The following CFAP44 variants were observed in gnomAD, a reference collection of about 807,000 sequenced individuals.
The protein encoded by CFAP44 is cilia and flagella associated protein 44.
In CFAP44, 134 loss-of-function variants were observed where a neutral mutation model predicts 216.2. The ratio of observed to expected loss-of-function variants is 0.62; its 90% CI spans 0.54 to 0.72. CFAP44 has a LOEUF of 0.72. CFAP44 is among the 30% of genes least tolerant of loss of function. CFAP44 has a pLI of 0.00. For missense variants in CFAP44, 2,035 were observed against 2,182.1 expected (o/e 0.93, Z 1.34); for synonymous variants, 700 against 727.6 (o/e 0.96, Z 0.61).
chr3:113,313,940 C>T (rs1387259279), intron 28 of CFAP44, among the ~76,000 whole-genome samples: 1 of 151,916 alleles, frequency 6.6e-6, no homozygotes, highest in Non-Finnish European at 1.5e-5. Flanking sequence ...AACTCAACAG[C>T]AGAATAGAAA....
chr3:113,354,287 A>C (rs1559920986), intron 22 of CFAP44, among the ~76,000 whole-genome samples: 1 of 152,194 alleles, frequency 6.6e-6, no homozygotes. Context: ...GAAAGCTGAG[A>C]GAATCCACAG....
intron 30 of CFAP44, among the ~76,000 whole-genome samples, chr3:113,305,668 GAAGTT>G (rs1290122044): frequency 2.0e-5 from 3 of 152,208 alleles, no homozygotes; most frequent in African/African-American, 7.2e-5. Flanking sequence ...GAACATGAAT[GAAGTT>G]AAGTGATGTT....
At chr3:113,410,718 A>G (rs571749669) in intron 6 of CFAP44, among the ~76,000 whole-genome samples, 5 of 152,184 alleles carry the variant, frequency 3.3e-5, no homozygotes, top group African/African-American at 7.2e-5. Flanking sequence ...TTGAGGAATC[A>G]CCACACTGTC....
chr3:113,439,705 T>C (rs1260652595), intron 1 of CFAP44, among the ~76,000 whole-genome samples: 1 of 152,232 alleles, frequency 6.6e-6, no homozygotes, highest in Non-Finnish European at 1.5e-5. Context: ...AAAATAATAG[T>C]ACACATTGAT....
At chr3:113,440,602 C>G (rs1935338556) in intron 1 of CFAP44, among the ~76,000 whole-genome samples, 1 of 152,116 alleles carries the variant, frequency 6.6e-6, no homozygotes, top group Non-Finnish European at 1.5e-5. Context: ...TCACCTCTAC[C>G]ATTACTGTAC....
At position 113,327,627 on chromosome 3, in the gene CFAP44, G is replaced by A. The variant is rs1162672900; in HGVS notation, c.4309C>T (p.Gln1437Ter). 3 of 1,536,620 alleles carry A rather than the reference G, an allele frequency of 2.0e-6. No homozygotes were observed. Among genetic ancestry groups the A allele is most frequent in the African/African-American group, 1.4e-5 (1 of 73,020 alleles). ...CTGCCCACTCATACTTGCATGTACT[G>A]TTCCTCTTTGTCTAAGGAATTAACA... ...ERVNSLDKEE[Q>*]YMQWKINETL... The change falls in exon 27 of 35, where the codon CAG (glutamine) becomes TAG (stop). Residue 1437 changes from glutamine (Q) to a stop codon, truncating the protein, a stop_gained. Coordinates refer to ENST00000393845, the MANE Select transcript of CFAP44 (RefSeq NM_001164496.2). LOFTEE classifies it high-confidence loss of function.
chr3:113,306,125 C>G, intron 30 of CFAP44, 76 bp downstream of exon 30: 6 of 1,445,984 alleles, frequency 4.1e-6, no homozygotes, highest in Non-Finnish European at 5.5e-6. Flanking sequence ...ATTGTCATTG[C>G]TATAAAAAGG....
At chr3:113,325,020 G>C (rs940974824) in intron 28 of CFAP44, among the ~76,000 whole-genome samples, 1 of 151,986 alleles carries the variant, frequency 6.6e-6, no homozygotes, top group African/African-American at 2.4e-5. Context: ...CACTAAAAAA[G>C]GGGCCGGGCA....
At chr3:113,357,920 C>A (rs1950506040) in intron 22 of CFAP44, among the ~76,000 whole-genome samples, 1 of 151,858 alleles carries the variant, frequency 6.6e-6, no homozygotes, top group Non-Finnish European at 1.5e-5. Context: ...TTATGGTAGC[C>A]AAAAATAGAA....
chr3:113,421,848 G>A (rs981221287), intron 4 of CFAP44, among the ~76,000 whole-genome samples: 14 of 151,832 alleles, frequency 9.2e-5, no homozygotes, highest in African/African-American at 3.1e-4. Context: ...GAGGGAGGGA[G>A]GGAGGGGGCA....
chr3:113,435,828 T>C (rs971354332), intron 1 of CFAP44, among the ~76,000 whole-genome samples: 1 of 151,486 alleles, frequency 6.6e-6, no homozygotes, highest in African/African-American at 2.4e-5. Flanking sequence ...GTTACAAAAA[T>C]AATGTTTTAC....
Position 113,365,907 on chromosome 3 carries a change from A to C in CFAP44, c.2715+132T>G, listed in dbSNP as rs1211654415. On this transcript the variant is annotated intron_variant, in intron 19 of 34. Coordinates refer to ENST00000393845, the MANE Select transcript of CFAP44 (RefSeq NM_001164496.2). Reference sequence around the variant, plus strand: ...AAGCACCAGAAAGTCAAATTATAATAGTAGCAGGAAGATTAGACCATAAGG... The same window carrying C: ...AAGCACCAGAAAGTCAAATTATAATCGTAGCAGGAAGATTAGACCATAAGG... 3 of 974,678 alleles carry C rather than the reference A, an allele frequency of 3.1e-6. No homozygotes were observed. In the African/African-American group the frequency reaches 5.0e-5, roughly 16 times the overall value. The allele number at this position is 974,678 out of a possible 1,614,324, so 60.4% of individuals were successfully genotyped here. A position where few individuals can be genotyped will look rare whatever the true frequency, so the allele number is the denominator to read the frequency against.
intron 28 of CFAP44, among the ~76,000 whole-genome samples, chr3:113,318,070 TGACTG>T (rs1950105431): frequency 6.6e-6 from 1 of 151,918 alleles, no homozygotes; most frequent in South Asian, 2.1e-4. Context: ...CAGTCTAAAA[TGACTG>T]AAATGACAAA....
At chr3:113,310,343 C>T (rs1163206547) in intron 28 of CFAP44, among the ~76,000 whole-genome samples, 1 of 152,206 alleles carries the variant, frequency 6.6e-6, no homozygotes, top group African/African-American at 2.4e-5. Context: ...CGATGTTGAT[C>T]ACAGAAACTA....
chr3:113,309,357 C>T (rs1950016389), intron 28 of CFAP44, among the ~76,000 whole-genome samples: 1 of 152,170 alleles, frequency 6.6e-6, no homozygotes, highest in Admixed American at 6.5e-5. Flanking sequence ...CTGACGCCCA[C>T]TCTGTTCCTT....
In CFAP44 at chr3:113,287,509, C is replaced by T. The variant is rs1949779698; in HGVS notation, c.*4048G>A. 6.5e-6 allele frequency: 1 copy of T among 152,894 alleles called. No individual in the cohort carries two copies. Among genetic ancestry groups the T allele is most frequent in the African/African-American group, 2.4e-5 (1 of 41,432 alleles). 9.5% of individuals were successfully genotyped at this position (152,894 alleles called of 1,614,324 possible). ...TTCTTTACATGTTAGAATTCAGTCTCTGAGTATTTGAAGAAAATACCCACT... is the reference window on the plus strand; with the variant it reads ...TTCTTTACATGTTAGAATTCAGTCTTTGAGTATTTGAAGAAAATACCCACT... On this transcript the variant is annotated 3_prime_UTR_variant, in exon 35 of 35. Transcript: ENST00000393845.
At chr3:113,426,359 A>G (rs116389539) in intron 3 of CFAP44, 82 bp from the exon 4 acceptor site, 53,608 of 1,470,784 alleles carry the variant, frequency 0.036, 1,256 homozygotes, top group East Asian at 0.11. Context: ...TGTAGTTCCC[A>G]TAATCTCCAC....
chr3:113,395,256 T>C (rs1315730582), intron 15 of CFAP44, among the ~76,000 whole-genome samples: 1 of 152,142 alleles, frequency 6.6e-6, no homozygotes, highest in Non-Finnish European at 1.5e-5. Context: ...AAGAGATTAG[T>C]AATCAATACC....
intron 1 of CFAP44, among the ~76,000 whole-genome samples, chr3:113,438,247 C>T (rs115143832): frequency 0.039 from 5,866 of 152,254 alleles, 167 homozygotes; most frequent in African/African-American, 0.07. Flanking sequence ...ATCTTCAGAG[C>T]TGAAAGAGGA....
Sources: gnomAD v4.1 joint callset for allele counts (sites outside exome capture counted in the v4.1 genomes callset) on GRCh38, gnomAD v4.1.1 for gene constraint, MANE v1.5 for transcripts, NCBI Gene and HGNC (gene_info 2026-07-23, HGNC 2026-07-21) for gene names.